Variants in MARCHF1 observed in about 807,000 individuals in gnomAD.
MARCHF1 encodes membrane associated ring-CH-type finger 1.
A neutral mutation model predicts 54.2 loss-of-function variants in MARCHF1; 40 were observed. That is an observed-to-expected ratio of 0.74 (90% CI 0.57 to 0.96). The LOEUF (loss-of-function observed/expected upper bound fraction) is 0.96. MARCHF1 is among the 40% of genes least tolerant of loss of function. The pLI is 0.00. For missense variants in MARCHF1, 586 were observed against 656.5 expected, an observed-to-expected ratio of 0.89 and a Z score of 1.17; for synonymous variants, 236 against 236.3, an observed-to-expected ratio of 1.00 and a Z score of 0.01.
At chr4:164,304,472 T>TA (rs769322553) in intron 1 of MARCHF1, among the ~76,000 whole-genome samples, 15 of 152,202 alleles carry the variant, frequency 9.9e-5, no homozygotes, top group East Asian at 3.8e-4. Context: ...TGAAACTATT[T>TA]AGAGTCAGAA....
intron 3 of MARCHF1, among the ~76,000 whole-genome samples, chr4:163,987,904 T>G (rs1752900567): frequency 6.6e-6 from 1 of 152,224 alleles, no homozygotes; most frequent in Non-Finnish European, 1.5e-5. Context: ...ATAACCTGTG[T>G]GAAGTTTCAA....
intron 4 of MARCHF1, among the ~76,000 whole-genome samples, chr4:163,710,032 A>G (rs1204374518): frequency 6.6e-6 from 1 of 152,106 alleles, no homozygotes; most frequent in Non-Finnish European, 1.5e-5. Context: ...AAACACTCCA[A>G]ATTTTCTTAA....
chr4:164,380,179 A>C (rs984058535), intron 1 of MARCHF1, among the ~76,000 whole-genome samples: 6 of 152,160 alleles, frequency 3.9e-5, no homozygotes, highest in African/African-American at 1.2e-4. Flanking sequence ...AACATACCAG[A>C]TATTCTAAAA....
At chr4:164,063,444 T>C (rs550300177) in intron 2 of MARCHF1, among the ~76,000 whole-genome samples, 1 of 152,366 alleles carries the variant, frequency 6.6e-6, no homozygotes, top group South Asian at 2.1e-4. Flanking sequence ...TTTTATGTTA[T>C]GAAGATGGTG....
intron 1 of MARCHF1, among the ~76,000 whole-genome samples, chr4:164,258,492 T>C (rs932506338): frequency 7.2e-5 from 11 of 151,916 alleles, no homozygotes; most frequent in African/African-American, 1.9e-4. Flanking sequence ...GGCACCCTCT[T>C]CCTAATTCAG....
At chr4:164,359,406 A>G (rs1360969696) in intron 1 of MARCHF1, among the ~76,000 whole-genome samples, 1 of 152,198 alleles carries the variant, frequency 6.6e-6, no homozygotes, top group East Asian at 1.9e-4. Flanking sequence ...TATTTCTGCT[A>G]CACTTCAAGA....
At chr4:164,259,038 T>C (rs1361600900) in intron 1 of MARCHF1, among the ~76,000 whole-genome samples, 1 of 152,198 alleles carries the variant, frequency 6.6e-6, no homozygotes, top group Non-Finnish European at 1.5e-5. Flanking sequence ...TCTATTTTAT[T>C]ATAGGCATGA....
chr4:163,774,859 C>A (rs1215769152), intron 4 of MARCHF1, among the ~76,000 whole-genome samples: 1 of 152,056 alleles, frequency 6.6e-6, no homozygotes, highest in Admixed American at 6.6e-5. Context: ...TTATTATTAT[C>A]CCTATCTTCT....
chr4:163,696,083 T>G (rs1284661174), intron 5 of MARCHF1, among the ~76,000 whole-genome samples: 2 of 151,764 alleles, frequency 1.3e-5, no homozygotes, highest in African/African-American at 4.8e-5. Context: ...TTACTTGAAT[T>G]AAAAAAGAAG....
At position 164,160,542 on chromosome 4, in the gene MARCHF1, C is replaced by G. The variant is rs546297685; in HGVS notation, c.-322-48880G>C. On this transcript the variant is annotated intron_variant, in intron 1 of 9. Transcript: ENST00000514618. Reference sequence around the variant, plus strand: ...ACTATTATAATATGACTTTAGATTTCTGGTGTGAATACCGACGTTATAAAA... The same window carrying G: ...ACTATTATAATATGACTTTAGATTTGTGGTGTGAATACCGACGTTATAAAA... 6.6e-4 allele frequency among the ~76,000 whole-genome samples: 101 copies of G among 152,296 alleles called. 1 individual carries two copies. Among genetic ancestry groups the G allele is most frequent in the African/African-American group, 2.3e-3 (95 of 41,562 alleles).
chr4:164,374,167 A>G (rs1194211659), intron 1 of MARCHF1, among the ~76,000 whole-genome samples: 1 of 152,206 alleles, frequency 6.6e-6, no homozygotes, highest in Non-Finnish European at 1.5e-5. Flanking sequence ...TTTCCTCTAC[A>G]TATAATTTAT....
chr4:164,350,980 C>T (rs1299288499), intron 1 of MARCHF1, among the ~76,000 whole-genome samples: 1 of 152,000 alleles, frequency 6.6e-6, no homozygotes, highest in Non-Finnish European at 1.5e-5. Flanking sequence ...AGTTCCCTTT[C>T]CGAGTCAAAG....
At chr4:163,673,506 AC>A (rs1294342009) in intron 5 of MARCHF1, among the ~76,000 whole-genome samples, 1 of 152,118 alleles carries the variant, frequency 6.6e-6, no homozygotes, top group Non-Finnish European at 1.5e-5. Flanking sequence ...TTATACTCAA[AC>A]AAAACACTAA....
intron 4 of MARCHF1, among the ~76,000 whole-genome samples, chr4:163,782,719 TCA>T (rs936196480): frequency 3.4e-5 from 5 of 148,614 alleles, no homozygotes; most frequent in African/African-American, 1.2e-4. Context: ...CAGCAAGTAG[TCA>T]TGGGCAAACA....
chr4:163,582,966 G>A (rs187297882), intron 8 of MARCHF1, among the ~76,000 whole-genome samples: 359 of 152,252 alleles, frequency 2.4e-3, no homozygotes, highest in Admixed American at 3.3e-3. Context: ...AAAGTGAGAC[G>A]TTGGAATACT....
chr4:164,035,469 G>GAA (rs748614434), intron 2 of MARCHF1, among the ~76,000 whole-genome samples: 2 of 137,536 alleles, frequency 1.5e-5, no homozygotes, highest in Non-Finnish European at 1.6e-5. Context: ...TCAGCTTTTA[G>GAA]AAAAAAAAAA....
intron 2 of MARCHF1, among the ~76,000 whole-genome samples, chr4:164,042,216 G>A (rs1272163331): frequency 6.6e-6 from 1 of 152,122 alleles, no homozygotes; most frequent in Non-Finnish European, 1.5e-5. Flanking sequence ...GTCTCTCCAG[G>A]CTGAACAAGT....
chr4:163,998,378 A>G (rs1055218713), intron 2 of MARCHF1, among the ~76,000 whole-genome samples: 2 of 151,544 alleles, frequency 1.3e-5, no homozygotes, highest in African/African-American at 4.8e-5. Context: ...TTTTATATAA[A>G]TAGCATTAAT....
chr4:164,221,301 G>C (rs1262543584), intron 1 of MARCHF1, among the ~76,000 whole-genome samples: 1 of 151,976 alleles, frequency 6.6e-6, no homozygotes, highest in Non-Finnish European at 1.5e-5. Flanking sequence ...ACATTAGGGA[G>C]ATCAGGTATC....
Sources: allele counts gnomAD v4.1 joint callset (sites outside exome capture counted in the v4.1 genomes callset), GRCh38; gene constraint gnomAD v4.1.1; transcripts MANE v1.5; gene names NCBI Gene and HGNC (gene_info 2026-07-23, HGNC 2026-07-21).